BNC1: variants seen among roughly 807,000 people sequenced by gnomAD.
BNC1 encodes zinc finger protein basonuclin-1.
Under a neutral mutation model 66.5 loss-of-function variants are expected in BNC1, and 8 were observed. The observed-to-expected ratio is 0.12, with a 90% CI of 0.07 to 0.22. The LOEUF is 0.22. Among genes scored for constraint, BNC1 ranks in the 10% least tolerant of loss-of-function variants. The pLI is 1.00. For missense variants in BNC1, 1,069 were observed against 1,241.3 expected (o/e 0.86, Z 2.09); for synonymous variants, 454 against 452.6 (o/e 1.00, Z -0.04).
intron 2 of BNC1, 23 bp downstream of exon 2, chr15:83,268,110 G>T (rs760637888): frequency 6.3e-7 from 1 of 1,594,620 alleles, no homozygotes; most frequent in Non-Finnish European, 8.6e-7. Flanking sequence ...TACAGGCCAA[G>T]AGAGGGTGAA....
At chr15:83,265,642 G>A (rs186163677) in intron 3 of BNC1, among the ~76,000 whole-genome samples, 22 of 152,270 alleles carry the variant, frequency 1.4e-4, no homozygotes, top group Non-Finnish European at 2.6e-4. Flanking sequence ...ATAAACGGTT[G>A]TTTCTAGTCT....
chr15:83,283,227 C>T (rs2038400854), intron 1 of BNC1: 3 of 1,535,590 alleles, frequency 2.0e-6, no homozygotes, highest in Admixed American at 2.0e-5. Context: ...GAAAGTTTGG[C>T]TCGGAGCTAC....
Position 83,263,945 on chromosome 15 carries a change from C to G in BNC1, c.1306G>C (p.Glu436Gln). The stretch of plus-strand genomic sequence containing the variant: ...GTGAAACCTGGGCACTTGTAGTTCT[C>G]AGAGCTGGCCAGGTTCAGGCTGTTC... ...LRNSLNLASS[E>Q]NYKCPGFTVT... The change falls in exon 4 of 5, where the codon GAG (glutamate) becomes CAG (glutamine). Residue 436 changes from glutamate to glutamine, a missense_variant. Glu to Gln is a conservative substitution (Grantham distance 29). Coordinates refer to ENST00000345382, the MANE Select transcript of BNC1 (RefSeq NM_001717.4). The G allele has an allele frequency of 6.2e-7, 1 of 1,614,208 alleles. No individual in the cohort carries two copies. The highest frequency in any genetic ancestry group is 8.5e-7 in the Non-Finnish European group (1 of 1,180,032).
chr15:83,279,800 C>G (rs1595943310), intron 1 of BNC1, among the ~76,000 whole-genome samples: 1 of 152,282 alleles, frequency 6.6e-6, no homozygotes, highest in East Asian at 1.9e-4. Flanking sequence ...AAACACAACA[C>G]TAAAGGAGAA....
intron 1 of BNC1, among the ~76,000 whole-genome samples, chr15:83,281,573 C>T (rs1451267098): frequency 1.3e-5 from 2 of 152,334 alleles, no homozygotes; most frequent in East Asian, 3.9e-4. Flanking sequence ...GGGTGAAGCA[C>T]ACTCCTGTAA....
chr15:83,279,326 A>C (rs2038355833), intron 1 of BNC1, among the ~76,000 whole-genome samples: 1 of 152,214 alleles, frequency 6.6e-6, no homozygotes, highest in African/African-American at 2.4e-5. Context: ...ATCAAGTTTC[A>C]TTCTAATTTT....
At chr15:83,283,820 G>T (rs2038410923) in intron 1 of BNC1, among the ~76,000 whole-genome samples, 1 of 152,260 alleles carries the variant, frequency 6.6e-6, no homozygotes, top group African/African-American at 2.4e-5. Context: ...TCAACGCTCG[G>T]TCTGTGTCCC....
chr15:83,274,966 G>T (rs1156659829), intron 1 of BNC1, among the ~76,000 whole-genome samples: 1 of 152,126 alleles, frequency 6.6e-6, no homozygotes, highest in Non-Finnish European at 1.5e-5. Flanking sequence ...TCAGAGTTAG[G>T]TATTATCATA....
At chr15:83,267,454 TTAGTTGTGGGGCTTGACATTTTC>T (rs1206240874) in intron 2 of BNC1, among the ~76,000 whole-genome samples, 5 of 152,178 alleles carry the variant, frequency 3.3e-5, no homozygotes, top group South Asian at 2.1e-4. Flanking sequence ...AGTTTGAGCG[TTAGTTGTGGGGCTTGACATTTTC>T]TAGTTGTGGG....
At position 83,266,972 on chromosome 15, in the gene BNC1, C is replaced by T. The variant is rs776789835; in HGVS notation, c.299G>A (p.Gly100Glu). Residue 100 changes from glycine (G) to glutamate (E), a missense_variant, in exon 3 of 5, where the codon GGG becomes GAG. Coordinates refer to ENST00000345382, the MANE Select transcript of BNC1 (RefSeq NM_001717.4). ...TAGGCGAACGGGGATGGCCTGGGTC[C>T]CATAGAGCATGAGGCTGCTAATATC... is the stretch of plus-strand genomic sequence containing the variant. The part of the protein sequence containing the change: ...VFDISSLMLY[G>E]TQAIPVRLKI... The T allele has an allele frequency of 3.7e-5, 59 of 1,613,992 alleles. No homozygotes were observed. The highest frequency in any genetic ancestry group is 4.7e-5 in the Non-Finnish European group (56 of 1,180,010).
chr15:83,258,625 C>T (rs1202768618), intron 4 of BNC1, among the ~76,000 whole-genome samples: 2 of 152,174 alleles, frequency 1.3e-5, no homozygotes, highest in African/African-American at 4.8e-5. Context: ...ACTAGTTTAA[C>T]TAGGACACTG....
At chr15:83,272,301 G>T (rs1002065751) in intron 1 of BNC1, among the ~76,000 whole-genome samples, 3 of 151,956 alleles carry the variant, frequency 2.0e-5, no homozygotes, top group Admixed American at 2.0e-4. Context: ...CACAATCTCG[G>T]CTCAATGCAA....
intron 1 of BNC1, among the ~76,000 whole-genome samples, chr15:83,281,720 G>A (rs2038380460): frequency 1.3e-5 from 2 of 152,210 alleles, no homozygotes; most frequent in Non-Finnish European, 2.9e-5. Flanking sequence ...CTGACAAATT[G>A]AACTTTTAAA....
chr15:83,260,904 G>C (rs1171981365), intron 4 of BNC1, among the ~76,000 whole-genome samples: 2 of 152,144 alleles, frequency 1.3e-5, no homozygotes, highest in Non-Finnish European at 2.9e-5. Flanking sequence ...ATAGATTCTA[G>C]GTAAAATGCA....
intron 1 of BNC1, among the ~76,000 whole-genome samples, chr15:83,275,521 G>T (rs2038312032): frequency 6.6e-6 from 1 of 150,544 alleles, no homozygotes; most frequent in African/African-American, 2.4e-5. Flanking sequence ...TAAGAAGAAA[G>T]CTATGCTAAT....
chr15:83,277,095 T>G (rs1452573225), intron 1 of BNC1, among the ~76,000 whole-genome samples: 1 of 152,126 alleles, frequency 6.6e-6, no homozygotes, highest in Non-Finnish European at 1.5e-5. Context: ...ATTTTCTTTT[T>G]TTGAGACAGG....
Position 83,264,142 on chromosome 15 carries a change from C to A in BNC1, c.1109G>T (p.Gly370Val). ...GGCATTGTAGTGGATTTTGAGGGTGCCTTTGTCATAGAAGGTCTTCTCACA... is the reference window on the plus strand; with the variant it reads ...GGCATTGTAGTGGATTTTGAGGGTGACTTTGTCATAGAAGGTCTTCTCACA... ...TACEKTFYDK[G>V]TLKIHYNAVH... The change falls in exon 4 of 5, where the codon GGC (glycine) becomes GTC (valine). Residue 370 changes from glycine to valine, a missense_variant. Gly to Val is a moderately radical substitution (Grantham distance 109, BLOSUM62 -3). Coordinates refer to ENST00000345382, the MANE Select transcript of BNC1 (RefSeq NM_001717.4). The A allele has an allele frequency of 6.2e-7, 1 of 1,614,078 alleles. No individual in the cohort carries two copies. Among genetic ancestry groups the A allele is most frequent in the Non-Finnish European group, 8.5e-7 (1 of 1,180,022 alleles).
chr15:83,280,505 C>T (rs1174241366), intron 1 of BNC1, among the ~76,000 whole-genome samples: 5 of 152,104 alleles, frequency 3.3e-5, no homozygotes, highest in African/African-American at 7.2e-5. Context: ...TTTTGTAAAA[C>T]ATTCTTTTGG....
intron 1 of BNC1, among the ~76,000 whole-genome samples, chr15:83,274,234 A>T (rs974852024): frequency 6.6e-6 from 1 of 152,022 alleles, no homozygotes; most frequent in Non-Finnish European, 1.5e-5. Flanking sequence ...CAATACAAAA[A>T]ATTTGCCGGG....
Sources: allele counts gnomAD v4.1 joint callset (sites outside exome capture counted in the v4.1 genomes callset), GRCh38; gene constraint gnomAD v4.1.1; transcripts MANE v1.5; gene names NCBI Gene and HGNC (gene_info 2026-07-23, HGNC 2026-07-21).